The following ARSG variants were observed in gnomAD, a reference collection of about 807,000 sequenced individuals.
ARSG encodes the protein ASG.
In ARSG, 37 loss-of-function variants were observed where a neutral mutation model predicts 50.5. That is an observed-to-expected ratio of 0.73 (90% confidence interval 0.56 to 0.96). The LOEUF is 0.96. ARSG is among the 50% of genes least tolerant of loss of function. The probability of loss-of-function intolerance (pLI) is 0.00; values close to 1 mark genes in which losing one functional copy is unlikely to be tolerated. For synonymous variants in ARSG, 225 were observed against 254.6 expected (o/e 0.88, Z 1.11); for missense variants, 629 against 675.3 (o/e 0.93, Z 0.76).
chr17:68,384,728 G>T (rs942775159), intron 8 of ARSG, among the ~76,000 whole-genome samples: 2 of 152,120 alleles, frequency 1.3e-5, no homozygotes, highest in African/African-American at 2.4e-5. Context: ...TGTCTTAGGT[G>T]CATGAGACTG....
intron 2 of ARSG, among the ~76,000 whole-genome samples, chr17:68,323,779 G>A (rs992146181): frequency 3.3e-5 from 5 of 152,150 alleles, no homozygotes; most frequent in Non-Finnish European, 7.3e-5. Context: ...CACTGTCAAA[G>A]ATCAATCCAC....
chr17:68,322,487 C>G (rs1191315469), intron 2 of ARSG, among the ~76,000 whole-genome samples: 1 of 152,020 alleles, frequency 6.6e-6, no homozygotes, highest in Non-Finnish European at 1.5e-5. Context: ...CATGGTGTTG[C>G]GTGCCTGTAG....
At position 68,347,065 on chromosome 17, in the gene ARSG, A is replaced by G. The variant is rs1486083407; in HGVS notation, c.407-60A>G. The G allele has an allele frequency of 3.8e-6, 6 of 1,589,182 alleles. No individual in the cohort carries two copies. In the Admixed American group the frequency reaches 6.7e-5, roughly 18 times the overall value. On this transcript the variant is annotated intron_variant, in intron 3 of 11. Coordinates refer to ENST00000621439, the MANE Select transcript of ARSG (RefSeq NM_001267727.2). ...GAGCTGAGTGTGTGATCAGCTCCTC[A>G]GGGGGCTGTGGTACCCCTATGGGGA...
At chr17:68,396,011 T>TG (rs910246724) in intron 10 of ARSG, among the ~76,000 whole-genome samples, 8 of 149,730 alleles carry the variant, frequency 5.3e-5, no homozygotes, top group Non-Finnish European at 8.9e-5. Context: ...TGTTTTTTTT[T>TG]TTTGTTTTTT....
At chr17:68,435,907 C>T in the ARSG span, among the ~76,000 whole-genome samples, 1 of 152,248 alleles carries the variant, frequency 6.6e-6, no homozygotes, top group African/African-American at 2.4e-5. Flanking sequence ...AGGGCCACTC[C>T]ATTTCCATCC....
At chr17:68,325,471 T>C (rs73355970) in intron 2 of ARSG, among the ~76,000 whole-genome samples, 2,791 of 152,236 alleles carry the variant, frequency 0.018, 84 homozygotes, top group African/African-American at 0.064. Context: ...TGCATTTGAA[T>C]CATCTCGAAA....
At chr17:68,436,985 C>G in the ARSG span, among the ~76,000 whole-genome samples, 1 of 120,974 alleles carries the variant, frequency 8.3e-6, no homozygotes, top group Non-Finnish European at 1.7e-5. Flanking sequence ...CAGAGTGAGA[C>G]CCCGTCTCAA....
At chr17:68,346,417 A>G (rs1445422641) in intron 3 of ARSG, among the ~76,000 whole-genome samples, 1 of 152,158 alleles carries the variant, frequency 6.6e-6, no homozygotes, top group African/African-American at 2.4e-5. Context: ...GAGCGGTTTA[A>G]TGCTGCCAGC....
the ARSG span, among the ~76,000 whole-genome samples, chr17:68,448,743 A>G: frequency 7.9e-5 from 12 of 152,228 alleles, no homozygotes; most frequent in Non-Finnish European, 1.3e-4. Context: ...AACCTTGTAT[A>G]CGGATTACTA....
At chr17:68,284,862 T>A (rs2075805733) in intron 1 of ARSG, among the ~76,000 whole-genome samples, 1 of 152,234 alleles carries the variant, frequency 6.6e-6, no homozygotes, top group Non-Finnish European at 1.5e-5. Flanking sequence ...CATTTTGATG[T>A]GTGTTGATAT....
intron 2 of ARSG, among the ~76,000 whole-genome samples, chr17:68,325,187 G>T (rs117026354): frequency 6.6e-6 from 1 of 151,982 alleles, no homozygotes; most frequent in African/African-American, 2.4e-5. Flanking sequence ...CCTGAGCTCC[G>T]CCTCCTGTCA....
chr17:68,287,283 C>T (rs544251296), upstream of ARSG, among the ~76,000 whole-genome samples: 16 of 151,954 alleles, frequency 1.1e-4, no homozygotes, highest in South Asian at 1.0e-3. Context: ...AACGATAGTG[C>T]TGGGATTACA....
At chr17:68,303,538 T>C (rs976136705) in intron 1 of ARSG, among the ~76,000 whole-genome samples, 49 of 152,270 alleles carry the variant, frequency 3.2e-4, no homozygotes, top group African/African-American at 1.2e-3. Flanking sequence ...AACCCCCGCC[T>C]CCCAGGTTCA....
At chr17:68,292,753 C>A (rs1555756739) in intron 1 of ARSG, among the ~76,000 whole-genome samples, 1 of 152,088 alleles carries the variant, frequency 6.6e-6, no homozygotes, top group African/African-American at 2.4e-5. Context: ...GAGTTAAATG[C>A]CATCCTTTGC....
At chr17:68,384,079 C>T (rs898143236) in intron 8 of ARSG, among the ~76,000 whole-genome samples, 3 of 152,172 alleles carry the variant, frequency 2.0e-5, no homozygotes, top group Non-Finnish European at 4.4e-5. Flanking sequence ...CCACGCTTCT[C>T]CCCACATAAT....
chr17:68,435,755 G>A, the ARSG span: 1 of 1,580,340 alleles, frequency 6.3e-7, no homozygotes, highest in Non-Finnish European at 8.7e-7. Context: ...CTGCGGAGGA[G>A]GGAAGATGGA....
At chr17:68,423,278 G>T (rs573651389), downstream of ARSG, among the ~76,000 whole-genome samples, 88 of 152,316 alleles carry the variant, frequency 5.8e-4, 1 homozygote, top group Non-Finnish European at 1.9e-4. The surrounding 1 kb of genome is among the most constrained non-coding windows in gnomAD (Gnocchi z 4.4). Context: ...GAACATTTCT[G>T]CCAATTCAGG....
At chr17:68,421,752 A>C, downstream of ARSG, 1 of 1,614,014 alleles carries the variant, frequency 6.2e-7, no homozygotes, top group South Asian at 1.1e-5. Context: ...GGATGTCCTG[A>C]TTTCTGAGGT....
intron 2 of ARSG, among the ~76,000 whole-genome samples, chr17:68,340,483 G>A (rs1228757407): frequency 2.6e-5 from 4 of 151,904 alleles, no homozygotes; most frequent in East Asian, 1.9e-4. Context: ...ACGGAGTTTC[G>A]CCATGTTAGC....
Sources: gnomAD v4.1 joint callset for allele counts (sites outside exome capture counted in the v4.1 genomes callset) on GRCh38, gnomAD v4.1.1 for gene constraint, Gnocchi (gnomAD v3.1) non-coding constraint, MANE v1.5 for transcripts, NCBI Gene and HGNC (gene_info 2026-07-23, HGNC 2026-07-21) for gene names.